The following KCNG2 variants were observed in gnomAD, a reference collection of about 807,000 sequenced individuals.
The protein encoded by KCNG2 is potassium voltage-gated channel modifier subfamily G member 2.
KCNG2 carries 7 observed loss-of-function variants against 12.3 expected under a neutral mutation model. The observed-to-expected ratio is 0.57, with a 90% confidence interval of 0.32 to 1.07. The LOEUF (loss-of-function observed/expected upper bound fraction) is 1.07, where lower values mean the gene tolerates loss of function less well. KCNG2 is among the 50% of genes least tolerant of loss of function. The pLI is 0.04. For missense variants in KCNG2, 703 were observed against 726.0 expected (o/e 0.97, Z 0.36); for synonymous variants, 414 against 351.4 (o/e 1.18, Z -1.99).
chr18:79,883,194 G>GCGATCC (rs1412561867), intron 3 of KCNG2, among the ~76,000 whole-genome samples: 2 of 152,146 alleles, frequency 1.3e-5, no homozygotes, highest in African/African-American at 2.4e-5. Context: ...AAGCCACGCT[G>GCGATCC]CGATCCCGTC....
chr18:79,858,320 G>A (rs139183432), intron 2 of KCNG2, among the ~76,000 whole-genome samples: 101 of 152,260 alleles, frequency 6.6e-4, no homozygotes, highest in African/African-American at 2.4e-3. Flanking sequence ...TTATATAAAC[G>A]GATTCCCAGT....
At chr18:79,882,806 C>A (rs1980357055) in intron 3 of KCNG2, among the ~76,000 whole-genome samples, 1 of 148,750 alleles carries the variant, frequency 6.7e-6, no homozygotes, top group Admixed American at 6.7e-5. Flanking sequence ...AGGCCGGGTA[C>A]ACCTGCGCGT....
intron 1 of KCNG2, among the ~76,000 whole-genome samples, chr18:79,845,952 G>C (rs1453673411): frequency 5.3e-5 from 8 of 152,018 alleles, no homozygotes; most frequent in Non-Finnish European, 1.2e-4. Context: ...TTAGCCAGGC[G>C]TAGTGGCGGG....
At chr18:79,826,159 C>T (rs1485930027) in intron 1 of KCNG2, among the ~76,000 whole-genome samples, 1 of 152,252 alleles carries the variant, frequency 6.6e-6, no homozygotes, top group Non-Finnish European at 1.5e-5. Flanking sequence ...TTGGCAAGGC[C>T]AGGAACCCGG....
At chr18:79,833,157 A>G (rs1195765465) in intron 1 of KCNG2, among the ~76,000 whole-genome samples, 1 of 151,800 alleles carries the variant, frequency 6.6e-6, no homozygotes, top group Non-Finnish European at 1.5e-5. Context: ...TTTTTTTGAG[A>G]TGGTGTCTCA....
intron 1 of KCNG2, among the ~76,000 whole-genome samples, chr18:79,855,637 A>G (rs1599395811): frequency 6.6e-6 from 1 of 151,842 alleles, no homozygotes; most frequent in East Asian, 1.9e-4. Context: ...GAGGCCTTGA[A>G]ACCTTCTGGT....
intron 1 of KCNG2, among the ~76,000 whole-genome samples, chr18:79,818,019 G>A (rs1366615702): frequency 3.9e-5 from 6 of 152,174 alleles, no homozygotes; most frequent in Admixed American, 1.3e-4. Context: ...CTGCCTCCTC[G>A]CCAGGTGGGC....
chr18:79,824,614 A>G (rs1273224798), intron 1 of KCNG2, among the ~76,000 whole-genome samples: 11 of 152,162 alleles, frequency 7.2e-5, no homozygotes, highest in Admixed American at 7.2e-4. Flanking sequence ...GTGTTTCTCC[A>G]TTAAGAGAGC....
Position 79,851,617 on chromosome 18 carries a change from AGTGTGTGT to A in KCNG2, c.-114-4759_-114-4752del, listed in dbSNP as rs56055150. 7.3e-5 allele frequency among the ~76,000 whole-genome samples: 11 copies of A among 151,544 alleles called. 1 individual carries two copies. Among genetic ancestry groups the A allele is most frequent in the Non-Finnish European group, 1.5e-5 (1 of 67,800 alleles). ...GTGTGTGCATGTGCGGGTGTGTGAG[AGTGTGTGT>A]GTATGTGCGGTGTGCAAGTGTGAGT... On this transcript the variant is annotated intron_variant, in intron 1 of 3. Transcript: ENST00000316249.
chr18:79,832,373 G>A (rs1486815323), intron 1 of KCNG2, among the ~76,000 whole-genome samples: 1 of 143,874 alleles, frequency 7.0e-6, no homozygotes, highest in Non-Finnish European at 1.5e-5. Context: ...ATCCTCACCT[G>A]CACTCACCTG....
chr18:79,802,353 C>T (rs993601026), intron 1 of KCNG2, among the ~76,000 whole-genome samples: 2 of 152,220 alleles, frequency 1.3e-5, no homozygotes, highest in African/African-American at 4.8e-5. Context: ...AGCCGTGCCG[C>T]TCCGGTCCGG....
chr18:79,862,459 A>G (rs1264774205), intron 2 of KCNG2, among the ~76,000 whole-genome samples: 1 of 152,188 alleles, frequency 6.6e-6, no homozygotes, highest in Non-Finnish European at 1.5e-5. Context: ...TCTTGGAGCA[A>G]CCTTCAGCAC....
intron 1 of KCNG2, among the ~76,000 whole-genome samples, chr18:79,807,075 C>A (rs535798793): frequency 1.3e-5 from 2 of 152,176 alleles, no homozygotes; most frequent in African/African-American, 2.4e-5. Context: ...GCTGGACAGA[C>A]CTCTGTGGAG....
intron 1 of KCNG2, among the ~76,000 whole-genome samples, chr18:79,830,261 AC>A (rs1451489460): frequency 6.6e-6 from 1 of 152,124 alleles, no homozygotes; most frequent in Non-Finnish European, 1.5e-5. Flanking sequence ...GCAGAACGTG[AC>A]GTGTTGTTTC....
chr18:79,837,529 T>C (rs1435445000), intron 1 of KCNG2, among the ~76,000 whole-genome samples: 1 of 152,218 alleles, frequency 6.6e-6, no homozygotes, highest in Non-Finnish European at 1.5e-5. Flanking sequence ...AGGTTCTCCA[T>C]GAGAGAAAAA....
chr18:79,892,643 C>T (rs976029694), intron 3 of KCNG2, among the ~76,000 whole-genome samples: 5 of 151,886 alleles, frequency 3.3e-5, no homozygotes, highest in Middle Eastern at 3.4e-3. Flanking sequence ...ACTCCATTCA[C>T]AGCTAATGTT....
chr18:79,868,080 C>T (rs1187966553), intron 3 of KCNG2, among the ~76,000 whole-genome samples: 2 of 152,224 alleles, frequency 1.3e-5, no homozygotes, highest in Non-Finnish European at 2.9e-5. Context: ...GAGTGTTTGG[C>T]TGTCCTCGGT....
intron 1 of KCNG2, among the ~76,000 whole-genome samples, chr18:79,852,385 T>C (rs1161059074): frequency 6.6e-6 from 1 of 152,268 alleles, no homozygotes; most frequent in Non-Finnish European, 1.5e-5. Flanking sequence ...ATCTTTGCTT[T>C]ATGTCTGTAA....
At chr18:79,888,364 A>G (rs1290576087) in intron 3 of KCNG2, among the ~76,000 whole-genome samples, 2 of 151,986 alleles carry the variant, frequency 1.3e-5, no homozygotes, top group African/African-American at 4.8e-5. Flanking sequence ...GGGCTGGGAC[A>G]GCAGCATCCT....
Sources: gnomAD v4.1 joint callset for allele counts (sites outside exome capture counted in the v4.1 genomes callset) on GRCh38, gnomAD v4.1.1 for gene constraint, MANE v1.5 for transcripts, NCBI Gene and HGNC (gene_info 2026-07-23, HGNC 2026-07-21) for gene names.